Variants in WASF3 observed in about 807,000 individuals in gnomAD.
WASF3 encodes the protein WASP family member 3.
Under a neutral mutation model 46.6 loss-of-function variants are expected in WASF3, and 11 were observed. That is an observed-to-expected ratio of 0.24 (90% confidence interval 0.15 to 0.39). The LOEUF is 0.39. Ranked by LOEUF, WASF3 falls within the 10% of genes least tolerant of loss-of-function variation. The pLI is 1.00. For missense variants in WASF3, 576 were observed against 669.8 expected (o/e 0.86, Z 1.55); for synonymous variants, 242 against 259.7 (o/e 0.93, Z 0.65).
chr13:26,591,989 A>G (rs1364207555), intron 1 of WASF3, among the ~76,000 whole-genome samples: 1 of 150,010 alleles, frequency 6.7e-6, no homozygotes, highest in East Asian at 2.0e-4. Flanking sequence ...GAAAGATACT[A>G]GGTAGTCATT....
intron 1 of WASF3, among the ~76,000 whole-genome samples, chr13:26,591,115 C>T (rs1256059385): frequency 6.6e-6 from 1 of 150,614 alleles, no homozygotes; most frequent in South Asian, 2.1e-4. Flanking sequence ...TGTGTGTGTT[C>T]AGGGAGGAGA....
At chr13:26,570,787 G>T (rs1245903094) in intron 1 of WASF3, among the ~76,000 whole-genome samples, 1 of 152,138 alleles carries the variant, frequency 6.6e-6, no homozygotes, top group Non-Finnish European at 1.5e-5. Context: ...TTTTTATATT[G>T]CAGGAGGTTT....
At chr13:26,555,596 A>G (rs1266794871), upstream of WASF3, among the ~76,000 whole-genome samples, 1 of 152,120 alleles carries the variant, frequency 6.6e-6, no homozygotes, top group Admixed American at 6.5e-5. Context: ...CCCTTTACCC[A>G]TCCCCCTACC....
intron 2 of WASF3, chr13:26,641,298 C>G (rs1311681724): frequency 6.6e-6 from 1 of 152,110 alleles, no homozygotes; most frequent in Non-Finnish European, 1.5e-5. Flanking sequence ...ACTCCTGAGC[C>G]TTTTGTAGGG....
chr13:26,625,224 A>T (rs1881428110), intron 2 of WASF3, among the ~76,000 whole-genome samples: 1 of 152,220 alleles, frequency 6.6e-6, no homozygotes, highest in East Asian at 1.9e-4. Context: ...TATACTGTTT[A>T]TATTAGGGGG....
intron 3 of WASF3, among the ~76,000 whole-genome samples, chr13:26,657,642 T>C (rs1191697944): frequency 6.6e-6 from 1 of 152,240 alleles, no homozygotes; most frequent in Non-Finnish European, 1.5e-5. Flanking sequence ...CATGTGGTAC[T>C]AATAAGTCCA....
At chr13:26,668,830 T>TA (rs1244619374) in intron 5 of WASF3, among the ~76,000 whole-genome samples, 3 of 152,166 alleles carry the variant, frequency 2.0e-5, no homozygotes, top group Non-Finnish European at 4.4e-5. Flanking sequence ...CACACTTATT[T>TA]AAAAAAATTA....
chr13:26,549,226 C>T, the WASF3 span, among the ~76,000 whole-genome samples: 18 of 152,110 alleles, frequency 1.2e-4, no homozygotes, highest in Admixed American at 5.2e-4. Context: ...ATGATCCACC[C>T]GCCTCAGCCT....
chr13:26,589,853 G>A (rs762477014), intron 1 of WASF3, among the ~76,000 whole-genome samples: 2 of 152,150 alleles, frequency 1.3e-5, no homozygotes, highest in Admixed American at 1.3e-4. Context: ...AGATTTTAAT[G>A]TTAGTGAGCA....
Position 26,677,688 on chromosome 13 carries a change from A to T in WASF3, c.716+964A>T, listed in dbSNP as rs117254255. 3.8e-3 allele frequency among the ~76,000 whole-genome samples: 577 copies of T among 152,334 alleles called. 2 individuals are homozygous for T. The highest frequency in any genetic ancestry group is 0.016 in the East Asian group (83 of 5,188). On this transcript the variant is annotated intron_variant, in intron 7 of 9. Coordinates refer to ENST00000335327, the MANE Select transcript of WASF3 (RefSeq NM_006646.6). ...CTGTACAAACTTCTATTTGTTAAAT[A>T]TTAGAGAATTATTGGAGCTTTAACT...
intron 2 of WASF3, chr13:26,640,396 CT>C (rs1881959989): frequency 6.7e-6 from 1 of 149,696 alleles, no homozygotes; most frequent in Admixed American, 6.7e-5. Context: ...TATTTATCAT[CT>C]CTTTTTTTTT....
At chr13:26,632,866 G>T (rs551282812) in intron 2 of WASF3, among the ~76,000 whole-genome samples, 28 of 152,218 alleles carry the variant, frequency 1.8e-4, no homozygotes, top group African/African-American at 6.5e-4. Context: ...TATTGGTCTA[G>T]TCAGAGATTC....
chr13:26,550,548 T>C, the WASF3 span, among the ~76,000 whole-genome samples: 4 of 152,226 alleles, frequency 2.6e-5, no homozygotes, highest in East Asian at 1.9e-4. Context: ...GTTACTTTCC[T>C]AAGTAAGCCA....
chr13:26,621,766 G>A (rs571363479), intron 2 of WASF3, among the ~76,000 whole-genome samples: 1 of 152,272 alleles, frequency 6.6e-6, no homozygotes, highest in African/African-American at 2.4e-5. Context: ...AGAAGGCAGT[G>A]TGCGAAGTGA....
At chr13:26,561,840 G>C (rs1283170123) in intron 1 of WASF3, among the ~76,000 whole-genome samples, 2 of 152,188 alleles carry the variant, frequency 1.3e-5, no homozygotes, top group Non-Finnish European at 2.9e-5. Context: ...TGTAGAAAAG[G>C]AAATGAGGGA....
At chr13:26,554,080 C>CTTTCTTTCTTTCTCTCTTTCTTTCT, upstream of WASF3, among the ~76,000 whole-genome samples, 1 of 52,516 alleles carries the variant, frequency 1.9e-5, no homozygotes, top group South Asian at 7.7e-4. Context: ...TCCTTCCTTC[C>CTTTCTTTCTTTCTCTCTTTCTTTCT]TTCCTTCCTT....
intron 3 of WASF3, among the ~76,000 whole-genome samples, chr13:26,648,418 A>G (rs192635133): frequency 2.0e-5 from 3 of 152,330 alleles, no homozygotes; most frequent in East Asian, 1.9e-4. Context: ...GTTGCTTTAT[A>G]TAATTGGATC....
chr13:26,543,435 A>G, the WASF3 span, among the ~76,000 whole-genome samples: 1 of 152,198 alleles, frequency 6.6e-6, no homozygotes, highest in African/African-American at 2.4e-5. Flanking sequence ...AATACAATAG[A>G]CTTCATTTTG....
At chr13:26,611,377 A>G (rs1880973098) in intron 1 of WASF3, among the ~76,000 whole-genome samples, 1 of 152,258 alleles carries the variant, frequency 6.6e-6, no homozygotes, top group Non-Finnish European at 1.5e-5. Context: ...AATAACAAAA[A>G]TAATAAGTCC....
Sources: gnomAD v4.1 joint callset for allele counts (sites outside exome capture counted in the v4.1 genomes callset) on GRCh38, gnomAD v4.1.1 for gene constraint, MANE v1.5 for transcripts, NCBI Gene and HGNC (gene_info 2026-07-23, HGNC 2026-07-21) for gene names.